Variants in PTPRT observed in about 807,000 individuals in gnomAD.
The protein encoded by PTPRT is receptor-type tyrosine-protein phosphatase T.
Under a neutral mutation model 176.8 loss-of-function variants are expected in PTPRT, and 56 were observed. The ratio of observed to expected loss-of-function variants is 0.32; its 90% CI spans 0.26 to 0.40. PTPRT has a LOEUF of 0.40. Ranked by LOEUF, PTPRT falls within the 10% of genes least tolerant of loss-of-function variation. The pLI, the probability that PTPRT is intolerant of heterozygous loss-of-function variation, is 1.00. For synonymous variants in PTPRT, 783 were observed against 739.0 expected (o/e 1.06, Z -0.96); for missense variants, 1,540 against 1,908.2 (o/e 0.81, Z 3.60).
Position 43,149,139 on chromosome 20 carries a change from G to A in PTPRT, c.88+40507C>T, listed in dbSNP as rs138793936. 6.1e-3 allele frequency among the ~76,000 whole-genome samples: 921 copies of A among 152,222 alleles called. 9 individuals are homozygous for A. Among genetic ancestry groups the A allele is most frequent in the African/African-American group, 0.021 (875 of 41,532 alleles). ...ATTTGATTTGTGCAATTATAGAATA[G>A]TATATAATTTTTAAATGTGGTATGT... On this transcript the variant is annotated intron_variant, in intron 1 of 30. Coordinates refer to ENST00000373187, the MANE Select transcript of PTPRT (RefSeq NM_007050.6).
rs893402353 is a variant in PTPRT, at chr20:42,108,887, C to A, written c.3254+1446G>T. 3.9e-5 allele frequency among the ~76,000 whole-genome samples: 6 copies of A among 152,200 alleles called. No individual in the cohort carries two copies. The South Asian group carries it at 6.2e-4, about 16-fold the overall frequency. On this transcript the variant is annotated intron_variant, in intron 23 of 30. Coordinates refer to ENST00000373187, the MANE Select transcript of PTPRT (RefSeq NM_007050.6). The stretch of plus-strand genomic sequence containing the variant: ...GATGACCTGCTAAGGAGACACATAC[C>A]GGCGTAGAGCCATCATGCGCCGAAG...
At chr20:42,092,265 A>C (rs1161466614) in intron 27 of PTPRT, among the ~76,000 whole-genome samples, 1 of 152,244 alleles carries the variant, frequency 6.6e-6, no homozygotes, top group Admixed American at 6.5e-5. Flanking sequence ...TGAAGCTCAT[A>C]TCTCTCCGAC....
intron 2 of PTPRT, among the ~76,000 whole-genome samples, chr20:42,808,766 G>A (rs1477569860): frequency 6.6e-6 from 1 of 152,172 alleles, no homozygotes; most frequent in Non-Finnish European, 1.5e-5. Context: ...AGTGGGGAAG[G>A]TAGTCCTCAG....
At chr20:42,500,902 C>G (rs1169213335) in intron 7 of PTPRT, among the ~76,000 whole-genome samples, 3 of 152,076 alleles carry the variant, frequency 2.0e-5, no homozygotes, top group Non-Finnish European at 4.4e-5. Flanking sequence ...GTCAGACAAC[C>G]CTCATAGTCT....
chr20:42,990,847 T>G (rs1983869298), intron 1 of PTPRT, among the ~76,000 whole-genome samples: 1 of 151,652 alleles, frequency 6.6e-6, no homozygotes, highest in South Asian at 2.1e-4. Flanking sequence ...AAAAGGGGAG[T>G]TTGCAGAGTT....
intron 1 of PTPRT, among the ~76,000 whole-genome samples, chr20:43,172,144 A>G (rs1050068960): frequency 3.3e-5 from 5 of 152,136 alleles, no homozygotes; most frequent in Admixed American, 6.5e-5. Flanking sequence ...ACCCCGCCAC[A>G]TGAATAGTCC....
At chr20:42,072,569 T>C (rs1393840506), downstream of PTPRT, among the ~76,000 whole-genome samples, 1 of 152,220 alleles carries the variant, frequency 6.6e-6, no homozygotes, top group Non-Finnish European at 1.5e-5. Context: ...TGTGCAGTCA[T>C]GGAAAATCCC....
chr20:42,309,973 T>C (rs1280139582), intron 12 of PTPRT, among the ~76,000 whole-genome samples: 1 of 152,088 alleles, frequency 6.6e-6, no homozygotes, highest in Non-Finnish European at 1.5e-5. Context: ...GGGTGGTTCT[T>C]AGGTAATATG....
intron 7 of PTPRT, among the ~76,000 whole-genome samples, chr20:42,482,080 T>C (rs529870362): frequency 6.6e-6 from 1 of 152,144 alleles, no homozygotes; most frequent in South Asian, 2.1e-4. Context: ...AATTCTTTCC[T>C]GAAAAAGGGA....
At chr20:43,092,938 T>C (rs959821845) in intron 1 of PTPRT, among the ~76,000 whole-genome samples, 1 of 152,202 alleles carries the variant, frequency 6.6e-6, no homozygotes, top group Non-Finnish European at 1.5e-5. Flanking sequence ...TAATGTTGTT[T>C]GGGAAGACAA....
intron 7 of PTPRT, among the ~76,000 whole-genome samples, chr20:42,596,251 T>C (rs1012638221): frequency 2.0e-5 from 3 of 152,232 alleles, no homozygotes; most frequent in African/African-American, 7.2e-5. Flanking sequence ...TCTGTCTCCA[T>C]GTCCCACCTG....
intron 1 of PTPRT, among the ~76,000 whole-genome samples, chr20:43,082,278 G>A (rs1448590670): frequency 1.5e-5 from 2 of 136,518 alleles, no homozygotes; most frequent in Non-Finnish European, 3.1e-5. Flanking sequence ...ACCCTATTTT[G>A]TGTTTTCTAT....
intron 7 of PTPRT, among the ~76,000 whole-genome samples, chr20:42,615,899 C>G (rs1206221330): frequency 2.6e-5 from 3 of 116,618 alleles, no homozygotes; most frequent in Non-Finnish European, 5.1e-5. Context: ...CCTGTTCACT[C>G]TGATGGTAGT....
At chr20:42,251,446 G>C (rs959630006) in intron 13 of PTPRT, among the ~76,000 whole-genome samples, 1 of 152,134 alleles carries the variant, frequency 6.6e-6, no homozygotes, top group South Asian at 2.1e-4. Context: ...AATTAGTGGT[G>C]GTTGGGGGTA....
chr20:43,087,274 T>C (rs574462363), intron 1 of PTPRT, among the ~76,000 whole-genome samples: 69 of 152,280 alleles, frequency 4.5e-4, no homozygotes, highest in Non-Finnish European at 7.5e-4. Flanking sequence ...ATTGATTTTG[T>C]TTGTTAACCA....
chr20:42,124,259 C>T (rs1210603892), intron 19 of PTPRT, among the ~76,000 whole-genome samples: 2 of 152,240 alleles, frequency 1.3e-5, no homozygotes, highest in African/African-American at 4.8e-5. Context: ...GTCCCACCTA[C>T]ACAGCACGCA....
intron 1 of PTPRT, among the ~76,000 whole-genome samples, chr20:43,138,682 C>T (rs1030564760): frequency 5.3e-5 from 8 of 152,154 alleles, no homozygotes; most frequent in Middle Eastern, 3.2e-3. Flanking sequence ...CTCGCATCTC[C>T]GCCCACTCTA....
At chr20:42,635,664 G>C (rs757384618) in intron 7 of PTPRT, among the ~76,000 whole-genome samples, 1 of 152,038 alleles carries the variant, frequency 6.6e-6, no homozygotes, top group Non-Finnish European at 1.5e-5. Flanking sequence ...CTCATATTTG[G>C]AAATGCTAGA....
intron 7 of PTPRT, among the ~76,000 whole-genome samples, chr20:42,542,252 C>T (rs8115216): frequency 0.23 from 35,064 of 151,922 alleles, 4,870 homozygotes; most frequent in African/African-American, 0.39. Context: ...AATTAATATA[C>T]TATGTCAAAA....
Sources: gnomAD v4.1 joint callset for allele counts (sites outside exome capture counted in the v4.1 genomes callset) on GRCh38, gnomAD v4.1.1 for gene constraint, MANE v1.5 for transcripts, NCBI Gene and HGNC (gene_info 2026-07-23, HGNC 2026-07-21) for gene names.